Variants in AIG1 observed in about 807,000 individuals in gnomAD.
AIG1 encodes androgen induced 1.
Under a neutral mutation model 31.4 loss-of-function variants are expected in AIG1, and 23 were observed. That is an observed-to-expected ratio of 0.73 (90% CI 0.53 to 1.04). The LOEUF (loss-of-function observed/expected upper bound fraction) is 1.04. Ranked by LOEUF, AIG1 falls within the 50% of genes least tolerant of loss-of-function variation. AIG1 has a pLI of 0.00. For missense variants in AIG1, 274 were observed against 295.0 expected, an observed-to-expected ratio of 0.93 and a Z score of 0.52; for synonymous variants, 100 against 110.5, an observed-to-expected ratio of 0.90 and a Z score of 0.60.
At chr6:143,065,055 G>A (rs1776574039) in intron 1 of AIG1, among the ~76,000 whole-genome samples, 1 of 152,242 alleles carries the variant, frequency 6.6e-6, no homozygotes, top group Non-Finnish European at 1.5e-5. Flanking sequence ...TTGTCCAGAA[G>A]AAGAATGTCA....
upstream of AIG1, chr6:143,060,631 A>T (rs757213825): frequency 6.6e-6 from 3 of 457,478 alleles, no homozygotes; most frequent in South Asian, 4.7e-5. Flanking sequence ...GGACCCTGCG[A>T]ACGCAGGAGC....
downstream of AIG1, chr6:143,343,318 C>T: frequency 3.3e-6 from 2 of 610,578 alleles, no homozygotes; most frequent in Non-Finnish European, 6.4e-6. Context: ...AACAGGGAGC[C>T]TCTAGTGAAA....
intron 4 of AIG1, among the ~76,000 whole-genome samples, chr6:143,301,511 G>T (rs1798823979): frequency 6.6e-6 from 1 of 152,228 alleles, no homozygotes; most frequent in African/African-American, 2.4e-5. Context: ...AAAGGAAAGA[G>T]ATTTAATTGA....
chr6:143,227,314 C>T (rs1003189995), intron 3 of AIG1, among the ~76,000 whole-genome samples: 7 of 152,176 alleles, frequency 4.6e-5, no homozygotes, highest in African/African-American at 1.7e-4. Flanking sequence ...AACAGCCCAG[C>T]AGGGTCCTGT....
intron 3 of AIG1, among the ~76,000 whole-genome samples, chr6:143,257,186 G>A (rs1341303121): frequency 6.6e-6 from 1 of 152,182 alleles, no homozygotes; most frequent in African/African-American, 2.4e-5. Context: ...CATGCCCGAT[G>A]GCTTTCATGG....
intron 1 of AIG1, among the ~76,000 whole-genome samples, chr6:143,123,258 A>G (rs963237520): frequency 4.6e-5 from 7 of 152,180 alleles, no homozygotes; most frequent in Non-Finnish European, 1.0e-4. Flanking sequence ...TAGGGATATG[A>G]TGTTGAAATA....
At position 143,221,895 on chromosome 6, in the gene AIG1, C is replaced by A. The variant is rs192794952; in HGVS notation, c.399+56712C>A. 1.2e-4 allele frequency among the ~76,000 whole-genome samples: 19 copies of A among 152,266 alleles called. No individual in the cohort carries two copies. In the East Asian group the frequency reaches 3.5e-3, roughly 28 times the overall value. On this transcript the variant is annotated intron_variant, in intron 3 of 5. Coordinates refer to ENST00000357847, the MANE Select transcript of AIG1 (RefSeq NM_016108.4). Reference sequence around the variant, plus strand: ...GGATCTAGATTCACAGTGGAGCATGCAGTTTTCTGGCTTAAATCAACACAC... The same window carrying A: ...GGATCTAGATTCACAGTGGAGCATGAAGTTTTCTGGCTTAAATCAACACAC...
intron 1 of AIG1, among the ~76,000 whole-genome samples, chr6:143,119,373 C>A (rs972069815): frequency 6.6e-6 from 1 of 152,092 alleles, no homozygotes; most frequent in Non-Finnish European, 1.5e-5. Context: ...CAAGAGGTGT[C>A]CATCTATGGG....
At position 143,327,491 on chromosome 6, in the gene AIG1, G is replaced by GT. The variant is rs1040464003; in HGVS notation, c.516-5790dup. On this transcript the variant is annotated intron_variant, in intron 4 of 5. Coordinates refer to ENST00000357847, the MANE Select transcript of AIG1 (RefSeq NM_016108.4). This position sits in a 1 kb window ranked among gnomAD's most constrained non-coding sequence, Gnocchi z 5.3. ...CATTGATACCAGGCCCAACAAAACTGTCTGGGCCAAAGGAATAAGGAATGT... is the reference window on the plus strand; with the variant it reads ...CATTGATACCAGGCCCAACAAAACTGTTCTGGGCCAAAGGAATAAGGAATGT... 3 of 385,940 alleles carry GT rather than the reference G, an allele frequency of 7.8e-6. No individual in the cohort carries two copies. Among genetic ancestry groups the GT allele is most frequent in the African/African-American group, 2.1e-5 (1 of 46,694 alleles). 23.9% of individuals were successfully genotyped at this position (385,940 alleles called of 1,614,324 possible). A position where few individuals can be genotyped will look rare whatever the true frequency, so the allele number is the denominator to read the frequency against.
In AIG1 at chr6:143,297,050, A is replaced by G. The variant is rs899372006; in HGVS notation, c.515+12825A>G. ...TTACAGTCTATTGAAGGATACAGGGAACTAAAAAGCAATAGTCATCCAGTT... is the reference window on the plus strand; with the variant it reads ...TTACAGTCTATTGAAGGATACAGGGGACTAAAAAGCAATAGTCATCCAGTT... On this transcript the variant is annotated intron_variant, in intron 4 of 5. Coordinates refer to ENST00000357847, the MANE Select transcript of AIG1 (RefSeq NM_016108.4). The surrounding 1 kb of genome is among the most constrained non-coding windows in gnomAD (Gnocchi z 5.1). Among the ~76,000 whole-genome samples the G allele has an allele frequency of 6.6e-6, 1 of 152,126 alleles. No homozygotes were observed. The highest frequency in any genetic ancestry group is 2.4e-5 in the African/African-American group (1 of 41,432).
At position 143,280,093 on chromosome 6, in the gene AIG1, T is replaced by A. The variant is rs928707532; in HGVS notation, c.400-4017T>A. Among the ~76,000 whole-genome samples the A allele has an allele frequency of 3.3e-5, 5 of 152,188 alleles. No individual in the cohort carries two copies. The highest frequency in any genetic ancestry group is 1.2e-4 in the African/African-American group (5 of 41,430). ...CTCATTTATCCAAGGTGGATCTACA[T>A]CTACCTGAAAATACTGTAAGTTGTA... On this transcript the variant is annotated intron_variant, in intron 3 of 5. Coordinates refer to ENST00000357847, the MANE Select transcript of AIG1 (RefSeq NM_016108.4). This position sits in a 1 kb window ranked among gnomAD's most constrained non-coding sequence, Gnocchi z 4.1.
In AIG1 at chr6:143,207,800, T is replaced by G. The variant is rs1021836478; in HGVS notation, c.399+42617T>G. Among the ~76,000 whole-genome samples, 75 of 151,504 alleles carry G rather than the reference T, an allele frequency of 5.0e-4. 1 individual carries two copies. The highest frequency in any genetic ancestry group is 2.0e-4 in the Admixed American group (3 of 15,190). On this transcript the variant is annotated intron_variant, in intron 3 of 5. Transcript: ENST00000357847. ...TAGAAAGGAAATGAAGAAAATAAAT[T>G]GTTGGGTTTTTTTCACAGTACATTT... is the stretch of plus-strand genomic sequence containing the variant.
chr6:143,308,834 A>G (rs1775018842), intron 4 of AIG1, among the ~76,000 whole-genome samples: 2 of 152,160 alleles, frequency 1.3e-5, no homozygotes, highest in South Asian at 4.1e-4. Flanking sequence ...AATCTGTGAA[A>G]TTTCCACAAA....
At chr6:143,246,414 C>T (rs979919621) in intron 3 of AIG1, among the ~76,000 whole-genome samples, 62 of 152,254 alleles carry the variant, frequency 4.1e-4, no homozygotes, top group African/African-American at 1.5e-3. Flanking sequence ...GGAAACTCCC[C>T]CTTATAAACC....
intron 3 of AIG1, among the ~76,000 whole-genome samples, chr6:143,230,021 G>A (rs765826675): frequency 3.9e-5 from 6 of 152,166 alleles, no homozygotes; most frequent in Middle Eastern, 3.4e-3. Flanking sequence ...ATTGACTAGC[G>A]CTAATATCTC....
downstream of AIG1, among the ~76,000 whole-genome samples, chr6:143,343,574 G>T (rs1305176710): frequency 6.6e-6 from 1 of 151,940 alleles, no homozygotes; most frequent in Non-Finnish European, 1.5e-5. Flanking sequence ...TGACGTAAAG[G>T]TTTACATCTA....
intron 4 of AIG1, among the ~76,000 whole-genome samples, chr6:143,289,843 A>C (rs1381711684): frequency 1.3e-5 from 2 of 152,200 alleles, no homozygotes; most frequent in Non-Finnish European, 2.9e-5. Flanking sequence ...TTAGGAAAAA[A>C]TGTGTACCCT....
chr6:143,154,001 A>T (rs1333214326), intron 2 of AIG1, among the ~76,000 whole-genome samples: 2 of 151,722 alleles, frequency 1.3e-5, no homozygotes, highest in East Asian at 3.9e-4. Flanking sequence ...CTATAATCCC[A>T]GCACTTTGGG....
intron 3 of AIG1, among the ~76,000 whole-genome samples, chr6:143,282,527 A>G (rs747269401): frequency 6.6e-6 from 1 of 152,208 alleles, no homozygotes; most frequent in Non-Finnish European, 1.5e-5. Context: ...ACACATGTAC[A>G]TTGGCTTGCA....
Sources: gnomAD v4.1 joint callset for allele counts (sites outside exome capture counted in the v4.1 genomes callset) on GRCh38, gnomAD v4.1.1 for gene constraint, Gnocchi (gnomAD v3.1) non-coding constraint, MANE v1.5 for transcripts, NCBI Gene and HGNC (gene_info 2026-07-23, HGNC 2026-07-21) for gene names.